The following DGKB variants were observed in gnomAD, a reference collection of about 807,000 sequenced individuals.
DGKB encodes the protein diacylglycerol kinase beta.
In DGKB, 67 loss-of-function variants were observed where a neutral mutation model predicts 114.3. The observed-to-expected ratio is 0.59, with a 90% confidence interval of 0.48 to 0.72. DGKB has a LOEUF of 0.72. Among genes scored for constraint, DGKB ranks in the 30% least tolerant of loss-of-function variants. DGKB has a pLI of 0.00. For synonymous variants in DGKB, 398 were observed against 323.1 expected (o/e 1.23, Z -2.49); for missense variants, 907 against 975.2 (o/e 0.93, Z 0.93).
At chr7:14,799,078 A>G (rs1841798907) in intron 2 of DGKB, among the ~76,000 whole-genome samples, 2 of 152,202 alleles carry the variant, frequency 1.3e-5, no homozygotes, top group South Asian at 4.1e-4. Flanking sequence ...AACTTTGGAG[A>G]ATGATAGTGC....
chr7:14,436,132 G>A (rs1340820464), intron 21 of DGKB, among the ~76,000 whole-genome samples: 1 of 152,062 alleles, frequency 6.6e-6, no homozygotes, highest in Admixed American at 6.6e-5. Context: ...AAAAATTTGA[G>A]AGATCTGCTG....
intron 5 of DGKB, among the ~76,000 whole-genome samples, chr7:14,734,574 G>A (rs2884369): frequency 0.64 from 97,908 of 152,120 alleles, 35,226 homozygotes; most frequent in Non-Finnish European, 0.81. Flanking sequence ...AGCACCAGAT[G>A]TAATTTACCC....
intron 1 of DGKB, among the ~76,000 whole-genome samples, chr7:14,869,985 A>C (rs538345121): frequency 6.6e-6 from 1 of 152,082 alleles, no homozygotes; most frequent in South Asian, 2.1e-4. Context: ...TCTCTATTTT[A>C]AAATTTTTAT....
At chr7:14,624,244 AATT>A (rs1446626467) in intron 14 of DGKB, among the ~76,000 whole-genome samples, 1 of 152,142 alleles carries the variant, frequency 6.6e-6, no homozygotes, top group African/African-American at 2.4e-5. Flanking sequence ...GTGTGGAAAT[AATT>A]TACTCCAGCA....
chr7:14,700,252 C>T (rs1416484587), intron 7 of DGKB, among the ~76,000 whole-genome samples: 8 of 147,990 alleles, frequency 5.4e-5, no homozygotes, highest in Middle Eastern at 6.5e-3. Flanking sequence ...CTTGCTCTCT[C>T]GCCCAGGCTG....
upstream of DGKB, chr7:14,903,363 A>C (rs1783434959): frequency 1.3e-5 from 2 of 152,314 alleles, no homozygotes; most frequent in South Asian, 4.1e-4. Flanking sequence ...GGGGAAAATG[A>C]GACAGGGAGA....
chr7:14,630,372 A>C, intron 13 of DGKB, 104 bp from the exon 14 acceptor site: 1 of 696,122 alleles, frequency 1.4e-6, no homozygotes, highest in South Asian at 2.4e-5. Context: ...TAAATGAGTA[A>C]ATTAAAAATA....
chr7:14,675,718 A>T (rs779328923), intron 12 of DGKB, among the ~76,000 whole-genome samples: 1 of 152,020 alleles, frequency 6.6e-6, no homozygotes, highest in Admixed American at 6.6e-5. Context: ...TTTAGTAACC[A>T]TACTATCATC....
intron 21 of DGKB, among the ~76,000 whole-genome samples, chr7:14,471,807 C>A (rs543723192): frequency 6.6e-6 from 1 of 151,774 alleles, no homozygotes; most frequent in Non-Finnish European, 1.5e-5. Context: ...GATAAATATA[C>A]CATGAAATAG....
At chr7:14,889,356 A>T (rs1027595147) in intron 1 of DGKB, among the ~76,000 whole-genome samples, 18 of 151,626 alleles carry the variant, frequency 1.2e-4, no homozygotes, top group African/African-American at 3.9e-4. Context: ...TCTGAATGGG[A>T]GGTTGTGTCA....
intron 4 of DGKB, among the ~76,000 whole-genome samples, chr7:14,744,971 T>C (rs1468171777): frequency 6.6e-6 from 1 of 152,192 alleles, no homozygotes; most frequent in Non-Finnish European, 1.5e-5. Context: ...TCTGAGCAGT[T>C]ATCCTGCTAA....
At position 14,675,466 on chromosome 7, in the gene DGKB, C is replaced by T. The variant is rs147769651; in HGVS notation, c.1036-2439G>A. 3.9e-5 allele frequency among the ~76,000 whole-genome samples: 6 copies of T among 152,062 alleles called. No homozygotes were observed. In the South Asian group the frequency reaches 6.2e-4, roughly 16 times the overall value. ...AGTTTCCCAGAAGGAAGGAAAGAAT[C>T]GAAGACTCAGATAGAATCATGCAAT... is the stretch of plus-strand genomic sequence containing the variant. On this transcript the variant is annotated intron_variant, in intron 12 of 25. Coordinates refer to ENST00000402815, the MANE Select transcript of DGKB (RefSeq NM_001350709.2).
chr7:14,490,594 G>C, intron 20 of DGKB, among the ~76,000 whole-genome samples: 1 of 151,966 alleles, frequency 6.6e-6, no homozygotes, highest in East Asian at 1.9e-4. Flanking sequence ...GTTGAAAAGG[G>C]GGACAAAAAG....
At chr7:14,769,216 GAGAA>G (rs141737355) in intron 2 of DGKB, among the ~76,000 whole-genome samples, 7,750 of 131,934 alleles carry the variant, frequency 0.059, 370 homozygotes, top group Admixed American at 0.12. Flanking sequence ...AGGAAAGAAA[GAGAA>G]AGAGAGAGAG....
At chr7:14,907,565 A>G (rs1783775532), upstream of DGKB, among the ~76,000 whole-genome samples, 1 of 152,228 alleles carries the variant, frequency 6.6e-6, no homozygotes, top group South Asian at 2.1e-4. Flanking sequence ...GAACACACAC[A>G]CATGTGCACA....
chr7:14,680,714 G>A (rs1207510819), intron 12 of DGKB, among the ~76,000 whole-genome samples: 1 of 151,910 alleles, frequency 6.6e-6, no homozygotes, highest in African/African-American at 2.4e-5. Context: ...TCTCATGACT[G>A]GAAAGGGTAG....
chr7:14,873,104 T>C (rs987313658), intron 1 of DGKB, among the ~76,000 whole-genome samples: 3 of 152,120 alleles, frequency 2.0e-5, no homozygotes, highest in African/African-American at 7.2e-5. Context: ...TAAAATATTT[T>C]GTTATCAAAA....
chr7:14,192,071 C>T, intron 23 of DGKB: 1 of 430,806 alleles, frequency 2.3e-6, no homozygotes, highest in Non-Finnish European at 4.6e-6. Context: ...CTGTGGGTGT[C>T]ATCAAAGCAG....
chr7:14,667,450 T>A (rs1270115422), intron 13 of DGKB, among the ~76,000 whole-genome samples: 3 of 152,058 alleles, frequency 2.0e-5, no homozygotes, highest in African/African-American at 7.2e-5. Context: ...ATATTTTTTA[T>A]AATGTGATAG....
Sources: gnomAD v4.1 joint callset for allele counts (sites outside exome capture counted in the v4.1 genomes callset) on GRCh38, gnomAD v4.1.1 for gene constraint, MANE v1.5 for transcripts, NCBI Gene and HGNC (gene_info 2026-07-23, HGNC 2026-07-21) for gene names.